NR5A2: variants seen among roughly 807,000 people sequenced by gnomAD.
NR5A2 encodes nuclear receptor subfamily 5 group A member 2.
NR5A2 carries 26 observed loss-of-function variants against 62.7 expected under a neutral mutation model. The observed-to-expected ratio is 0.41, with a 90% CI of 0.30 to 0.58. The LOEUF is 0.58. Among genes scored for constraint, NR5A2 ranks in the 20% least tolerant of loss-of-function variants. The pLI, the probability that NR5A2 is intolerant of heterozygous loss-of-function variation, is 0.22. For missense variants in NR5A2, 541 were observed against 669.1 expected (o/e 0.81, Z 2.11); for synonymous variants, 246 against 241.7 (o/e 1.02, Z -0.16).
At chr1:200,142,248 A>G (rs932984874) in intron 7 of NR5A2, among the ~76,000 whole-genome samples, 1 of 121,966 alleles carries the variant, frequency 8.2e-6, no homozygotes, top group African/African-American at 3.2e-5. Flanking sequence ...TGCCCAGGCT[A>G]GAGTGCAGTG....
chr1:200,151,040 TC>T (rs2102363705), intron 7 of NR5A2, among the ~76,000 whole-genome samples: 2 of 152,332 alleles, frequency 1.3e-5, no homozygotes, highest in South Asian at 4.1e-4. Flanking sequence ...AATGACCTGC[TC>T]TCTGAGCTTT....
chr1:200,129,380 AT>A lies in NR5A2; in HGVS notation c.1378+8427del, dbSNP rs3833543. ...ACAGAGATTTGTAGGAATAGCAAAC[AT>A]TCAGCCATTAAGTGAGGCATACAAA... On this transcript the variant is annotated intron_variant, in intron 7 of 7. Transcript: ENST00000367362. 0.02 allele frequency among the ~76,000 whole-genome samples: 3,077 copies of A among 152,308 alleles called. 211 individuals are homozygous for A. In the East Asian group the frequency reaches 0.25, roughly 12 times the overall value.
chr1:200,099,502 T>G (rs900903420), intron 5 of NR5A2, among the ~76,000 whole-genome samples: 10 of 152,166 alleles, frequency 6.6e-5, no homozygotes, highest in Non-Finnish European at 1.5e-4. Context: ...TGCATCTATT[T>G]TACAAGCTGG....
intron 5 of NR5A2, among the ~76,000 whole-genome samples, chr1:200,059,201 CTTG>C (rs1663073692): frequency 6.6e-6 from 1 of 152,118 alleles, no homozygotes; most frequent in Non-Finnish European, 1.5e-5. Flanking sequence ...GGAACAGGGT[CTTG>C]TTGGTTGCAG....
chr1:200,086,812 C>T (rs1571448736), intron 5 of NR5A2, among the ~76,000 whole-genome samples: 1 of 152,136 alleles, frequency 6.6e-6, no homozygotes, highest in Middle Eastern at 3.4e-3. Flanking sequence ...GCCAAGGCGG[C>T]TAGATCAACT....
At chr1:200,042,784 A>G in intron 2 of NR5A2, 1 of 982,174 alleles carries the variant, frequency 1.0e-6, no homozygotes, top group Non-Finnish European at 1.2e-6. Flanking sequence ...ATACCGGATC[A>G]GGCACTTCCT....
intron 7 of NR5A2, among the ~76,000 whole-genome samples, chr1:200,151,704 T>C (rs925557432): frequency 2.5e-4 from 38 of 152,252 alleles, no homozygotes; most frequent in African/African-American, 8.9e-4. Flanking sequence ...CCAAAGTGAA[T>C]ATAAAGGTAT....
intron 7 of NR5A2, 83 bp downstream of exon 7, chr1:200,121,038 G>A (rs1666459632): frequency 6.9e-7 from 1 of 1,458,540 alleles, no homozygotes; most frequent in African/African-American, 1.4e-5. Flanking sequence ...GTCCATGTAT[G>A]TTTTTGTTCT....
intron 5 of NR5A2, among the ~76,000 whole-genome samples, chr1:200,097,230 A>G (rs963384542): frequency 2.6e-5 from 4 of 152,186 alleles, no homozygotes; most frequent in Non-Finnish European, 5.9e-5. Context: ...TTTTTTTAAA[A>G]TAAACCTTTG....
chr1:200,163,052 T>C (rs1462313521), intron 7 of NR5A2, among the ~76,000 whole-genome samples: 2 of 152,048 alleles, frequency 1.3e-5, no homozygotes, highest in Non-Finnish European at 2.9e-5. Flanking sequence ...GTTCAACACA[T>C]GGAAAAGTCC....
chr1:200,042,805 G>A, intron 2 of NR5A2: 8 of 985,512 alleles, frequency 8.1e-6, no homozygotes, highest in Non-Finnish European at 9.6e-6. Flanking sequence ...GGGGTCTCCT[G>A]GTCACTGCCC....
chr1:200,077,379 G>A (rs1664090044), intron 5 of NR5A2, among the ~76,000 whole-genome samples: 1 of 152,178 alleles, frequency 6.6e-6, no homozygotes, highest in Non-Finnish European at 1.5e-5. Context: ...TTAATAAATT[G>A]TATTAGGTTA....
chr1:200,053,571 A>ACG (rs1553266389), intron 5 of NR5A2, among the ~76,000 whole-genome samples: 56 of 70,828 alleles, frequency 7.9e-4, no homozygotes, highest in East Asian at 5.3e-3. Flanking sequence ...ATGCACACGC[A>ACG]CACACACACA....
intron 5 of NR5A2, among the ~76,000 whole-genome samples, chr1:200,077,846 C>T (rs756813329): frequency 5.3e-5 from 8 of 152,142 alleles, no homozygotes; most frequent in African/African-American, 9.7e-5. Flanking sequence ...TTAGGGCTCT[C>T]GCAGTTTTTG....
At chr1:200,057,593 C>T (rs142849053) in intron 5 of NR5A2, 173 of 342,066 alleles carry the variant, frequency 5.1e-4, no homozygotes, top group African/African-American at 3.7e-3. Context: ...ATTCGCCTGC[C>T]TCAGCCTCCC....
intron 5 of NR5A2, among the ~76,000 whole-genome samples, chr1:200,095,467 G>A (rs1180030363): frequency 2.0e-5 from 3 of 152,172 alleles, no homozygotes; most frequent in African/African-American, 7.2e-5. Context: ...ATGTCCATTG[G>A]TGAATGTTGT....
chr1:200,107,098 A>C (rs1473963538), intron 5 of NR5A2, among the ~76,000 whole-genome samples: 1 of 152,198 alleles, frequency 6.6e-6, no homozygotes, highest in Non-Finnish European at 1.5e-5. Context: ...GTGGGTGCAG[A>C]CCTGCAGGGC....
chr1:200,092,307 C>T (rs1030468856), intron 5 of NR5A2, among the ~76,000 whole-genome samples: 7 of 152,098 alleles, frequency 4.6e-5, no homozygotes, highest in South Asian at 2.1e-4. Flanking sequence ...TATAAAAAGA[C>T]GCACTATAAG....
chr1:200,175,451 T>G lies in NR5A2; in HGVS notation c.*1241T>G, dbSNP rs184465305. On this transcript the variant is annotated 3_prime_UTR_variant, in exon 8 of 8. Coordinates refer to ENST00000367362, the MANE Select transcript of NR5A2 (RefSeq NM_205860.3). Reference sequence around the variant, plus strand: ...ACCAAAGTCTGCTGTAGAACAAATATGGGAGGACAAAGAATCGCAAATTCT... The same window carrying G: ...ACCAAAGTCTGCTGTAGAACAAATAGGGGAGGACAAAGAATCGCAAATTCT... 6.5e-6 allele frequency: 1 copy of G among 152,744 alleles called. No individual in the cohort carries two copies. Among genetic ancestry groups the G allele is most frequent in the Admixed American group, 6.5e-5 (1 of 15,304 alleles). 9.5% of individuals were successfully genotyped at this position (152,744 alleles called of 1,614,324 possible).
Sources: allele counts gnomAD v4.1 joint callset (sites outside exome capture counted in the v4.1 genomes callset), GRCh38; gene constraint gnomAD v4.1.1; transcripts MANE v1.5; gene names NCBI Gene and HGNC (gene_info 2026-07-23, HGNC 2026-07-21).